Variants in PSMC4 observed in about 807,000 individuals in gnomAD.
PSMC4 encodes the protein 26S proteasome regulatory subunit 6B.
In PSMC4, 13 loss-of-function variants were observed where a neutral mutation model predicts 48.4. The observed-to-expected ratio is 0.27, with a 90% confidence interval of 0.18 to 0.43. The LOEUF is 0.43. Ranked by LOEUF, PSMC4 falls within the 20% of genes least tolerant of loss-of-function variation. PSMC4 has a pLI of 1.00. For synonymous variants in PSMC4, 202 were observed against 212.3 expected, an observed-to-expected ratio of 0.95 and a Z score of 0.42; for missense variants, 262 against 555.9, an observed-to-expected ratio of 0.47 and a Z score of 5.32.
chr19:39,976,878 C>T (rs1429892548), intron 6 of PSMC4, among the ~76,000 whole-genome samples: 1 of 130,756 alleles, frequency 7.6e-6, no homozygotes, highest in Non-Finnish European at 1.6e-5. Context: ...GAGACAGAGT[C>T]TCACTCTGTA....
rs141495354 is a variant in PSMC4 at position 39,974,851 on chromosome 19, C to T, written c.673+23C>T. 9.6e-5 allele frequency: 154 copies of T among 1,596,536 alleles called. No homozygotes were observed. Among genetic ancestry groups the T allele is most frequent in the East Asian group, 1.6e-4 (7 of 44,786 alleles). On this transcript the variant is annotated intron_variant, in intron 6 of 10. Coordinates refer to ENST00000157812, the MANE Select transcript of PSMC4 (RefSeq NM_006503.4). The surrounding 1 kb of genome is among the most constrained non-coding windows in gnomAD (Gnocchi z 5.5). The stretch of plus-strand genomic sequence containing the variant: ...CAGGTGAGCCCTTTCGCCCCTGCCC[C>T]GAGCTCTCATCTTCTGGCCTCTTCG...
intron 6 of PSMC4, among the ~76,000 whole-genome samples, chr19:39,979,216 CT>C (rs1346872333): frequency 1.3e-5 from 2 of 152,012 alleles, no homozygotes; most frequent in African/African-American, 4.8e-5. Flanking sequence ...TGGTTTTTTT[CT>C]TTCTTATTTT....
intron 6 of PSMC4, among the ~76,000 whole-genome samples, chr19:39,976,097 TGTG>T (rs1408325399): frequency 6.6e-6 from 1 of 151,422 alleles, no homozygotes; most frequent in African/African-American, 2.4e-5. Flanking sequence ...ATTAGCCAGG[TGTG>T]GTGGCGGTCG....
At chr19:39,976,415 A>AG (rs971976866) in intron 6 of PSMC4, among the ~76,000 whole-genome samples, 2 of 147,734 alleles carry the variant, frequency 1.4e-5, no homozygotes, top group Non-Finnish European at 3.0e-5. Context: ...AAAAAAAAAA[A>AG]AAAAAAAAGA....
intron 3 of PSMC4, 82 bp downstream of exon 3, chr19:39,972,637 A>C (rs1483528107): frequency 8.0e-7 from 1 of 1,254,536 alleles, no homozygotes; most frequent in East Asian, 2.5e-5. Flanking sequence ...CAAACAAGGC[A>C]GGGCAGTGCA....
Position 39,979,993 on chromosome 19 carries a change from T to A in PSMC4, c.841+9T>A. 1 of 1,613,670 alleles carries A rather than the reference T, an allele frequency of 6.2e-7. No individual in the cohort carries two copies. Among genetic ancestry groups the A allele is most frequent in the East Asian group, 2.2e-5 (1 of 44,860 alleles). On this transcript the variant is annotated intron_variant, in intron 7 of 10. Transcript: ENST00000157812. ...CGATGCTCAGACAGGGGGTAAGTGA[T>A]GCTGAAACAAGGCCCGGGGTCTTGG...
chr19:39,978,519 G>A (rs1321082090), intron 6 of PSMC4, among the ~76,000 whole-genome samples: 1 of 152,150 alleles, frequency 6.6e-6, no homozygotes, highest in African/African-American at 2.4e-5. Flanking sequence ...GGGACCCCTT[G>A]AGCCAGGTGT....
chr19:39,977,438 C>T (rs990182889), intron 6 of PSMC4, among the ~76,000 whole-genome samples: 2 of 151,988 alleles, frequency 1.3e-5, no homozygotes, highest in African/African-American at 2.4e-5. Context: ...TTGTCACTGG[C>T]AGAGGGAGGG....
intron 6 of PSMC4, among the ~76,000 whole-genome samples, chr19:39,978,551 G>A (rs1971241330): frequency 1.3e-5 from 2 of 152,134 alleles, no homozygotes; most frequent in African/African-American, 2.4e-5. Flanking sequence ...CTTAGGGAGT[G>A]AACAGGGCAG....
Sources: allele counts gnomAD v4.1 joint callset (sites outside exome capture counted in the v4.1 genomes callset), GRCh38; gene constraint gnomAD v4.1.1; non-coding constraint Gnocchi (gnomAD v3.1); transcripts MANE v1.5; gene names NCBI Gene and HGNC (gene_info 2026-07-23, HGNC 2026-07-21).